Variants in NEDD4L observed in about 807,000 individuals in gnomAD.
NEDD4L encodes NEDD4 like E3 ubiquitin protein ligase.
NEDD4L carries 54 observed loss-of-function variants against 148.9 expected under a neutral mutation model. That is an observed-to-expected ratio of 0.36 (90% CI 0.29 to 0.45). The LOEUF (loss-of-function observed/expected upper bound fraction) is 0.45, where lower values mean the gene tolerates loss of function less well. Among genes scored for constraint, NEDD4L ranks in the 20% least tolerant of loss-of-function variants. The pLI is 1.00. For missense variants in NEDD4L, 856 were observed against 1,233.8 expected, an observed-to-expected ratio of 0.69 and a Z score of 4.59; for synonymous variants, 433 against 440.7, an observed-to-expected ratio of 0.98 and a Z score of 0.22.
At chr18:58,045,083 A>C in intron 1 of NEDD4L, 2 of 404,126 alleles carry the variant, frequency 4.9e-6, no homozygotes, top group Non-Finnish European at 8.7e-6. Context: ...CCGGGAGTCC[A>C]TGATGCATGT....
intron 2 of NEDD4L, among the ~76,000 whole-genome samples, chr18:58,214,408 T>C (rs1331566319): frequency 7.2e-5 from 11 of 152,238 alleles, no homozygotes; most frequent in Non-Finnish European, 1.6e-4. Flanking sequence ...GATAGAAATG[T>C]ACACTCAGAG....
At chr18:58,220,886 G>A (rs377282946) in intron 2 of NEDD4L, among the ~76,000 whole-genome samples, 182 of 152,216 alleles carry the variant, frequency 1.2e-3, no homozygotes, top group African/African-American at 4.0e-3. Context: ...CCCCTCAAAC[G>A]AGGACATGGT....
intron 1 of NEDD4L, among the ~76,000 whole-genome samples, chr18:58,085,552 A>G (rs1159368029): frequency 6.6e-6 from 1 of 152,242 alleles, no homozygotes; most frequent in African/African-American, 2.4e-5. Flanking sequence ...GCAAAAGCAA[A>G]GCGAACCCAA....
At chr18:58,045,125 A>T (rs972122642) in intron 1 of NEDD4L, 1 of 399,088 alleles carries the variant, frequency 2.5e-6, no homozygotes, top group Admixed American at 4.4e-5. Flanking sequence ...GAGACCCGGG[A>T]CTGCGGAGAA....
chr18:58,333,074 C>G (rs893495919), intron 11 of NEDD4L, among the ~76,000 whole-genome samples: 1 of 151,970 alleles, frequency 6.6e-6, no homozygotes, highest in South Asian at 2.1e-4. Flanking sequence ...GTCAGGAGGT[C>G]GAGACCAGCC....
chr18:58,244,295 T>A (rs975993694), intron 2 of NEDD4L, among the ~76,000 whole-genome samples: 7 of 152,214 alleles, frequency 4.6e-5, no homozygotes, highest in Non-Finnish European at 1.0e-4. Context: ...ATTTAGAGAT[T>A]GAATACATGA....
At chr18:58,082,958 T>A (rs999173448) in intron 1 of NEDD4L, among the ~76,000 whole-genome samples, 1 of 152,206 alleles carries the variant, frequency 6.6e-6, no homozygotes, top group African/African-American at 2.4e-5. Flanking sequence ...TCAATCATTC[T>A]TTTTAAATGT....
chr18:58,370,060 C>A (rs1229326981), intron 22 of NEDD4L, among the ~76,000 whole-genome samples: 1 of 152,206 alleles, frequency 6.6e-6, no homozygotes, highest in Non-Finnish European at 1.5e-5. Flanking sequence ...GCTGGCAAGT[C>A]CCCAGCCTTG....
intron 1 of NEDD4L, among the ~76,000 whole-genome samples, chr18:58,116,514 G>A (rs1003355347): frequency 1.3e-5 from 2 of 152,190 alleles, no homozygotes; most frequent in Non-Finnish European, 2.9e-5. Flanking sequence ...ATCTAATGCA[G>A]CCTAAATTTG....
chr18:58,338,090 A>G (rs188346077), intron 13 of NEDD4L, among the ~76,000 whole-genome samples: 20 of 152,348 alleles, frequency 1.3e-4, no homozygotes, highest in African/African-American at 4.6e-4. Context: ...AAACTTCTGC[A>G]GTTTACAATC....
At chr18:58,383,937 T>C (rs909109858) in intron 25 of NEDD4L, among the ~76,000 whole-genome samples, 17 of 152,224 alleles carry the variant, frequency 1.1e-4, no homozygotes, top group East Asian at 3.8e-4. Context: ...TCTTTTTTAG[T>C]GTATATGTGT....
At chr18:58,205,210 G>C (rs981744816) in intron 2 of NEDD4L, among the ~76,000 whole-genome samples, 2 of 152,178 alleles carry the variant, frequency 1.3e-5, no homozygotes, top group African/African-American at 4.8e-5. Flanking sequence ...AACTAATATA[G>C]TTTTGTGGTC....
At chr18:58,394,833 C>T (rs1390472895) in intron 30 of NEDD4L, among the ~76,000 whole-genome samples, 1 of 152,186 alleles carries the variant, frequency 6.6e-6, no homozygotes, top group Non-Finnish European at 1.5e-5. Context: ...AAAGCGAGCA[C>T]GTGAATGGTT....
rs1345548153 is a variant in NEDD4L at position 58,383,317 on chromosome 18, C to A, written c.2424C>A (p.Ile808=). ...MVTNENKREY[I]DLVIQWRFVN... The stretch of plus-strand genomic sequence containing the variant: ...CAAATGAAAACAAAAGGGAATATAT[C>A]GAGTATGTATACACATATTTACTGC... The change falls in exon 25 of 31, where the codon ATC becomes ATA. Residue 808 remains isoleucine, a splice_region_variant and synonymous_variant. Coordinates refer to ENST00000400345, the MANE Select transcript of NEDD4L (RefSeq NM_001144967.3). 6.6e-7 allele frequency: 1 copy of A among 1,506,292 alleles called. No individual in the cohort carries two copies. The highest frequency in any genetic ancestry group is 9.0e-7 in the Non-Finnish European group (1 of 1,105,674). 93.3% of individuals were successfully genotyped at this position (1,506,292 alleles called of 1,614,324 possible).
intron 2 of NEDD4L, among the ~76,000 whole-genome samples, chr18:58,233,448 T>C (rs1369187058): frequency 6.6e-6 from 1 of 152,232 alleles, no homozygotes; most frequent in Admixed American, 6.5e-5. Flanking sequence ...GGAAACCCTG[T>C]ATAAAATCAT....
At chr18:58,171,995 C>T (rs2037565370) in intron 2 of NEDD4L, among the ~76,000 whole-genome samples, 1 of 152,202 alleles carries the variant, frequency 6.6e-6, no homozygotes, top group Non-Finnish European at 1.5e-5. Flanking sequence ...GGAGCACACT[C>T]TCTTCTTGTG....
chr18:58,186,959 G>C (rs966362469), intron 2 of NEDD4L, among the ~76,000 whole-genome samples: 5 of 152,162 alleles, frequency 3.3e-5, no homozygotes, highest in African/African-American at 1.2e-4. Flanking sequence ...TAAGAATCTT[G>C]GTTTTCTGCT....
rs1043734103 is a variant in NEDD4L, at chr18:58,398,498, G to A, written c.*2229G>A. Reference sequence around the variant, plus strand: ...TGCATATTAAGTCAAGTATTGGAAAGTATAAAAGAAAAATCATTCTGACAA... The same window carrying A: ...TGCATATTAAGTCAAGTATTGGAAAATATAAAAGAAAAATCATTCTGACAA... On this transcript the variant is annotated 3_prime_UTR_variant, in exon 31 of 31. Coordinates refer to ENST00000400345, the MANE Select transcript of NEDD4L (RefSeq NM_001144967.3). The A allele has an allele frequency of 6.6e-6, 1 of 152,104 alleles. No individual in the cohort carries two copies. Among genetic ancestry groups the A allele is most frequent in the Non-Finnish European group, 1.5e-5 (1 of 68,022 alleles). 9.4% of individuals were successfully genotyped at this position (152,104 alleles called of 1,614,324 possible). A position where few individuals can be genotyped will look rare whatever the true frequency, so the allele number is the denominator to read the frequency against.
At chr18:58,161,177 T>C (rs2036160826) in intron 1 of NEDD4L, among the ~76,000 whole-genome samples, 1 of 152,130 alleles carries the variant, frequency 6.6e-6, no homozygotes, top group Non-Finnish European at 1.5e-5. Flanking sequence ...ACTACTGGCA[T>C]GCATCAGCAC....
Sources: gnomAD v4.1 joint callset for allele counts (sites outside exome capture counted in the v4.1 genomes callset) on GRCh38, gnomAD v4.1.1 for gene constraint, MANE v1.5 for transcripts, NCBI Gene and HGNC (gene_info 2026-07-23, HGNC 2026-07-21) for gene names.